MGAT4C: variants seen among roughly 807,000 people sequenced by gnomAD.
MGAT4C encodes alpha-1,3-mannosyl-glycoprotein 4-beta-N-acetylglucosaminyltransferase C.
In MGAT4C, 19 loss-of-function variants were observed where a neutral mutation model predicts 40.1. That is an observed-to-expected ratio of 0.47 (90% CI 0.33 to 0.70). The LOEUF (loss-of-function observed/expected upper bound fraction) is 0.70. Among genes scored for constraint, MGAT4C ranks in the 30% least tolerant of loss-of-function variants. The pLI, the probability that MGAT4C is intolerant of heterozygous loss-of-function variation, is 0.02. For missense variants in MGAT4C, 491 were observed against 563.2 expected (o/e 0.87, Z 1.30); for synonymous variants, 181 against 187.1 (o/e 0.97, Z 0.27).
intron 2 of MGAT4C, among the ~76,000 whole-genome samples, chr12:86,640,412 C>A (rs1452820026): frequency 1.3e-5 from 2 of 151,628 alleles, no homozygotes; most frequent in Non-Finnish European, 3.0e-5. Flanking sequence ...TCAACCTGTC[C>A]ATAAGTTTTA....
chr12:86,259,030 A>G (rs1310152139), upstream of MGAT4C, among the ~76,000 whole-genome samples: 1 of 151,980 alleles, frequency 6.6e-6, no homozygotes, highest in African/African-American at 2.4e-5. Context: ...ATTCAGATAA[A>G]TACAGGATAT....
chr12:86,766,947 C>A (rs895235354), intron 1 of MGAT4C, among the ~76,000 whole-genome samples: 35 of 151,994 alleles, frequency 2.3e-4, no homozygotes, highest in African/African-American at 7.7e-4. Flanking sequence ...CCTAACATCA[C>A]AATTAAAAGA....
intron 2 of MGAT4C, among the ~76,000 whole-genome samples, chr12:86,652,621 A>G (rs1050586834): frequency 6.6e-6 from 1 of 151,904 alleles, no homozygotes; most frequent in Admixed American, 6.6e-5. Flanking sequence ...GTGTCCATAT[A>G]TTTGGCACTA....
intron 1 of MGAT4C, among the ~76,000 whole-genome samples, chr12:86,063,924 G>A (rs1894247599): frequency 6.6e-6 from 1 of 152,098 alleles, no homozygotes; most frequent in South Asian, 2.1e-4. Context: ...CCTACAAAGA[G>A]ACTTAGACTC....
At chr12:86,402,986 T>C (rs1323197281) in intron 3 of MGAT4C, among the ~76,000 whole-genome samples, 5 of 152,176 alleles carry the variant, frequency 3.3e-5, no homozygotes, top group Admixed American at 2.6e-4. Context: ...TTAGGTAATA[T>C]TAACTAACAT....
chr12:86,009,759 C>T (rs576695966), intron 2 of MGAT4C, among the ~76,000 whole-genome samples: 1 of 152,220 alleles, frequency 6.6e-6, no homozygotes, highest in African/African-American at 2.4e-5. Flanking sequence ...GATTTTTTGC[C>T]TACACATTCT....
chr12:86,519,053 A>C (rs946208004), intron 2 of MGAT4C, among the ~76,000 whole-genome samples: 1 of 152,166 alleles, frequency 6.6e-6, no homozygotes, highest in African/African-American at 2.4e-5. Context: ...TGGAAGGCGG[A>C]GATTGTCTGA....
At chr12:86,629,322 C>A (rs1055422248) in intron 2 of MGAT4C, among the ~76,000 whole-genome samples, 1 of 152,126 alleles carries the variant, frequency 6.6e-6, no homozygotes, top group Non-Finnish European at 1.5e-5. Flanking sequence ...TAACACCCCA[C>A]TGTAAATATC....
intron 1 of MGAT4C, among the ~76,000 whole-genome samples, chr12:86,807,694 TC>T (rs1478490200): frequency 3.4e-4 from 51 of 152,234 alleles, no homozygotes; most frequent in African/African-American, 1.2e-3. Context: ...CTTTGGGGAA[TC>T]CCCGCACTGT....
intron 1 of MGAT4C, among the ~76,000 whole-genome samples, chr12:86,189,171 A>C (rs73383702): frequency 0.083 from 12,631 of 151,988 alleles, 626 homozygotes; most frequent in Middle Eastern, 0.22. Flanking sequence ...CTAACACTCC[A>C]AAGAGAACAC....
intron 2 of MGAT4C, among the ~76,000 whole-genome samples, chr12:86,003,357 T>A (rs1358455784): frequency 6.6e-6 from 1 of 152,180 alleles, no homozygotes; most frequent in Non-Finnish European, 1.5e-5. Context: ...AGGTAATATG[T>A]CTTCTAGATG....
chr12:85,993,896 G>T (rs766571629), intron 2 of MGAT4C, among the ~76,000 whole-genome samples: 1 of 152,188 alleles, frequency 6.6e-6, no homozygotes, highest in Non-Finnish European at 1.5e-5. Context: ...AGGTAGTGGA[G>T]GCCAGTGCCT....
At chr12:86,650,554 G>A (rs1593079780) in intron 2 of MGAT4C, among the ~76,000 whole-genome samples, 1 of 151,818 alleles carries the variant, frequency 6.6e-6, no homozygotes, top group African/African-American at 2.4e-5. Flanking sequence ...CTGAAATTGG[G>A]CAGCCCAGAT....
chr12:86,097,846 TTG>T lies in MGAT4C; in HGVS notation c.-56-48125_-56-48124del, dbSNP rs199620429. Among the ~76,000 whole-genome samples, 184 of 151,788 alleles carry T rather than the reference TTG, an allele frequency of 1.2e-3. No individual in the cohort carries two copies. In the East Asian group the frequency reaches 0.025, roughly 21 times the overall value. ...AGAAATATTCTCTACCTTGAAATGC[TTG>T]TGTTATATATGCTACTACTGCATCT... On this transcript the variant is annotated intron_variant, in intron 1 of 4. Coordinates refer to ENST00000611864, the MANE Select transcript of MGAT4C (RefSeq NM_001351288.2).
At chr12:86,246,290 A>G (rs1034877296) in intron 1 of MGAT4C, among the ~76,000 whole-genome samples, 20 of 142,550 alleles carry the variant, frequency 1.4e-4, no homozygotes, top group African/African-American at 5.3e-4. Flanking sequence ...GGTTCACGCC[A>G]TTCTCCTGCC....
chr12:86,075,803 C>T (rs1869584507), intron 1 of MGAT4C, among the ~76,000 whole-genome samples: 1 of 152,218 alleles, frequency 6.6e-6, no homozygotes, highest in Non-Finnish European at 1.5e-5. Context: ...TCAGCCACAG[C>T]TGGAGCAACT....
At chr12:86,035,893 G>A (rs1240758593) in intron 2 of MGAT4C, among the ~76,000 whole-genome samples, 1 of 149,820 alleles carries the variant, frequency 6.7e-6, no homozygotes, top group Admixed American at 6.7e-5. Flanking sequence ...TTGTAGATGT[G>A]TGGTGTTATT....
chr12:86,217,304 A>G (rs568114209), intron 1 of MGAT4C, among the ~76,000 whole-genome samples: 1 of 152,216 alleles, frequency 6.6e-6, no homozygotes, highest in East Asian at 1.9e-4. Context: ...CCTCCTGAGT[A>G]GTTGGGATTA....
At chr12:86,766,280 C>T (rs1311610228) in intron 1 of MGAT4C, among the ~76,000 whole-genome samples, 1 of 152,010 alleles carries the variant, frequency 6.6e-6, no homozygotes, top group Admixed American at 6.6e-5. Context: ...AAGGCCATTA[C>T]ATAATGGTAA....
Sources: gnomAD v4.1 joint callset for allele counts (sites outside exome capture counted in the v4.1 genomes callset) on GRCh38, gnomAD v4.1.1 for gene constraint, MANE v1.5 for transcripts, NCBI Gene and HGNC (gene_info 2026-07-23, HGNC 2026-07-21) for gene names.